Variants in LIMS1 observed in about 807,000 individuals in gnomAD.
LIMS1 encodes the protein LIM zinc finger domain containing 1.
Under a neutral mutation model 44.1 loss-of-function variants are expected in LIMS1, and 18 were observed. That is an observed-to-expected ratio of 0.41 (90% confidence interval 0.28 to 0.61). LIMS1 has a LOEUF of 0.61. Among genes scored for constraint, LIMS1 ranks in the 20% least tolerant of loss-of-function variants. LIMS1 has a pLI of 0.32. For synonymous variants in LIMS1, 93 were observed against 149.1 expected, an observed-to-expected ratio of 0.62 and a Z score of 2.74; for missense variants, 201 against 422.0, an observed-to-expected ratio of 0.48 and a Z score of 4.59.
chr2:108,575,078 C>G (rs1685619929), intron 1 of LIMS1, among the ~76,000 whole-genome samples: 1 of 152,014 alleles, frequency 6.6e-6, no homozygotes, highest in Non-Finnish European at 1.5e-5. Flanking sequence ...GAAGTATTAC[C>G]TGCTGTTTCT....
intron 1 of LIMS1, among the ~76,000 whole-genome samples, chr2:108,600,798 G>T (rs1686966029): frequency 6.6e-6 from 1 of 152,222 alleles, no homozygotes; most frequent in Non-Finnish European, 1.5e-5. Flanking sequence ...TGGAAATCCA[G>T]TAATGTGATT....
chr2:108,550,173 A>G (rs936897586), intron 1 of LIMS1, among the ~76,000 whole-genome samples: 4 of 152,170 alleles, frequency 2.6e-5, no homozygotes, highest in African/African-American at 9.7e-5. Flanking sequence ...ACATAAAATG[A>G]CTAGGAAAAA....
chr2:108,534,591 A>T, exon 1 of LIMS1: 1 of 1,165,516 alleles, frequency 8.6e-7, no homozygotes, highest in Non-Finnish European at 1.1e-6. Context: ...GGGATGACCC[A>T]CAGGTACGGG....
At chr2:108,604,037 T>C (rs1687147829) in intron 1 of LIMS1, among the ~76,000 whole-genome samples, 2 of 152,124 alleles carry the variant, frequency 1.3e-5, no homozygotes, top group African/African-American at 2.4e-5. Flanking sequence ...ATGTTTCCAT[T>C]ATCATGTGTT....
chr2:108,638,413 C>T (rs1689425016), intron 1 of LIMS1, among the ~76,000 whole-genome samples: 2 of 152,136 alleles, frequency 1.3e-5, no homozygotes, highest in Admixed American at 6.5e-5. Flanking sequence ...TGATTAATTG[C>T]ATGATGACAG....
intron 1 of LIMS1, among the ~76,000 whole-genome samples, chr2:108,579,606 A>C (rs186347547): frequency 6.6e-6 from 1 of 152,334 alleles, no homozygotes; most frequent in Admixed American, 6.5e-5. Flanking sequence ...AGAGAAATAC[A>C]TTTATTTTTA....
At chr2:108,675,449 G>A (rs1692474541) in intron 5 of LIMS1, among the ~76,000 whole-genome samples, 1 of 152,098 alleles carries the variant, frequency 6.6e-6, no homozygotes, top group South Asian at 2.1e-4. Flanking sequence ...ACCCCTTAGA[G>A]GTCCTACCTC....
At chr2:108,614,445 T>C (rs1687826628) in intron 1 of LIMS1, among the ~76,000 whole-genome samples, 1 of 152,220 alleles carries the variant, frequency 6.6e-6, no homozygotes, top group African/African-American at 2.4e-5. Context: ...TTGTATCCTA[T>C]GGTCTTTTTT....
chr2:108,611,774 A>T (rs1210139343), intron 1 of LIMS1, among the ~76,000 whole-genome samples: 1 of 149,654 alleles, frequency 6.7e-6, no homozygotes, highest in Non-Finnish European at 1.5e-5. Context: ...AGCTACTAGG[A>T]GGCTGAGGTG....
exon 10 of LIMS1, chr2:108,684,474 G>A (rs1693205101): frequency 6.6e-6 from 1 of 152,026 alleles, no homozygotes; most frequent in Admixed American, 6.6e-5. Flanking sequence ...TACAATCTTA[G>A]TATATTTATC....
At chr2:108,577,442 T>A (rs1377684297) in intron 1 of LIMS1, among the ~76,000 whole-genome samples, 1 of 152,230 alleles carries the variant, frequency 6.6e-6, no homozygotes, top group Non-Finnish European at 1.5e-5. Context: ...GGCTCTGCCT[T>A]AGTTATCCTT....
chr2:108,611,659 C>T (rs1296993140), intron 1 of LIMS1, among the ~76,000 whole-genome samples: 1 of 151,706 alleles, frequency 6.6e-6, no homozygotes. Context: ...GCGTGGGGAT[C>T]GCTTGAGCTC....
At chr2:108,647,496 G>T (rs1558826955) in intron 1 of LIMS1, among the ~76,000 whole-genome samples, 1 of 152,116 alleles carries the variant, frequency 6.6e-6, no homozygotes, top group Non-Finnish European at 1.5e-5. Flanking sequence ...CCAAAACCTG[G>T]CAGAGACACA....
intron 1 of LIMS1, among the ~76,000 whole-genome samples, chr2:108,566,138 T>C (rs7568838): frequency 0.05 from 7,658 of 152,284 alleles, 276 homozygotes; most frequent in South Asian, 0.15. Flanking sequence ...TACTGTGTTG[T>C]CTGGGCAGGT....
chr2:108,633,027 A>G (rs774088206), intron 1 of LIMS1, among the ~76,000 whole-genome samples: 4 of 151,896 alleles, frequency 2.6e-5, no homozygotes, highest in Non-Finnish European at 5.9e-5. Context: ...TTCCCCCTCC[A>G]CTCCAGGAAG....
At chr2:108,569,649 T>C (rs145914907) in intron 1 of LIMS1, among the ~76,000 whole-genome samples, 14 of 152,262 alleles carry the variant, frequency 9.2e-5, no homozygotes, top group Non-Finnish European at 1.2e-4. Flanking sequence ...CATGCTGAAG[T>C]GCAGTGGTAT....
intron 1 of LIMS1, among the ~76,000 whole-genome samples, chr2:108,646,149 A>G (rs184677471): frequency 6.6e-6 from 1 of 152,342 alleles, no homozygotes; most frequent in East Asian, 1.9e-4. Context: ...CGGGCCTAAT[A>G]GAACTCTTCA....
At chr2:108,680,540 T>TAA (rs772500201) in intron 8 of LIMS1, among the ~76,000 whole-genome samples, 155 bp from the exon 9 acceptor site, 5 of 81,570 alleles carry the variant, frequency 6.1e-5, no homozygotes, top group Non-Finnish European at 9.7e-5. Flanking sequence ...CTGTCTCATT[T>TAA]AAAAAAAAAA....
At chr2:108,633,520 A>G (rs776003111) in intron 1 of LIMS1, among the ~76,000 whole-genome samples, 1 of 151,994 alleles carries the variant, frequency 6.6e-6, no homozygotes, top group African/African-American at 2.4e-5. Flanking sequence ...TAGGTTCTAA[A>G]CTCTTTGAAG....
Sources: gnomAD v4.1 joint callset for allele counts (sites outside exome capture counted in the v4.1 genomes callset) on GRCh38, gnomAD v4.1.1 for gene constraint, MANE v1.5 for transcripts, NCBI Gene and HGNC (gene_info 2026-07-23, HGNC 2026-07-21) for gene names.